DLG2: variants seen among roughly 807,000 people sequenced by gnomAD.
DLG2 encodes the protein discs large MAGUK scaffold protein 2.
DLG2 carries 45 observed loss-of-function variants against 132.5 expected under a neutral mutation model. The observed-to-expected ratio is 0.34, with a 90% CI of 0.27 to 0.44. The LOEUF (loss-of-function observed/expected upper bound fraction) is 0.44, where lower values mean the gene tolerates loss of function less well. Ranked by LOEUF, DLG2 falls within the 20% of genes least tolerant of loss-of-function variation. The pLI, the probability that DLG2 is intolerant of heterozygous loss-of-function variation, is 1.00. For missense variants in DLG2, 1,045 were observed against 1,196.9 expected (o/e 0.87, Z 1.87); for synonymous variants, 424 against 419.6 (o/e 1.01, Z -0.13).
intron 6 of DLG2, among the ~76,000 whole-genome samples, chr11:84,564,632 C>A (rs1473680163): frequency 6.6e-6 from 1 of 152,116 alleles, no homozygotes; most frequent in Non-Finnish European, 1.5e-5. Context: ...TTTTCTTTAA[C>A]AAAAAGCTAT....
At chr11:84,814,454 G>A (rs142243209) in intron 6 of DLG2, among the ~76,000 whole-genome samples, 35 of 152,026 alleles carry the variant, frequency 2.3e-4, no homozygotes, top group Admixed American at 2.6e-4. Flanking sequence ...TCTCCAATAC[G>A]CAAGCCCATA....
chr11:85,238,292 G>A (rs2075701973), intron 4 of DLG2, among the ~76,000 whole-genome samples: 1 of 148,620 alleles, frequency 6.7e-6, no homozygotes, highest in Non-Finnish European at 1.5e-5. Context: ...TGCCCAGGCT[G>A]GAATGCAGAG....
At chr11:84,104,971 G>A (rs1210841283) in intron 9 of DLG2, among the ~76,000 whole-genome samples, 1 of 151,406 alleles carries the variant, frequency 6.6e-6, no homozygotes, top group Non-Finnish European at 1.5e-5. Context: ...AACTGAGGCT[G>A]AGAGGAGTGA....
rs373308434 is a variant in DLG2, at chr11:84,250,914, A to G, written c.573+324T>C. On this transcript the variant is annotated intron_variant, in intron 8 of 27. Transcript: ENST00000376104. ...AAATTGACTTGAATATTCCTTTTAT[A>G]AGAAACCCAAAGAAGTTTGCTAGTG... 1.1e-4 allele frequency among the ~76,000 whole-genome samples: 17 copies of G among 152,360 alleles called. 1 individual carries two copies. The South Asian group carries it at 1.9e-3, about 17-fold the overall frequency.
rs1462622024 is a variant in DLG2 at position 83,691,642 on chromosome 11, G to T, written c.1826-58317C>A. ...CTGGCTCAGCTGGTTCTAGGTGCCT[G>T]TAACAAGCTGCTCTGCCCAGTGGAG... On this transcript the variant is annotated intron_variant, in intron 18 of 27. Coordinates refer to ENST00000376104, the MANE Select transcript of DLG2 (RefSeq NM_001142699.3). Among the ~76,000 whole-genome samples the T allele has an allele frequency of 3.3e-5, 5 of 152,154 alleles. No homozygotes were observed. In the East Asian group the frequency reaches 9.6e-4, roughly 29 times the overall value.
chr11:84,966,125 G>T (rs570830491), intron 6 of DLG2, among the ~76,000 whole-genome samples: 6 of 151,868 alleles, frequency 4.0e-5, no homozygotes, highest in Admixed American at 3.9e-4. Flanking sequence ...AAGAGTAAAG[G>T]TTACTCTTCT....
intron 11 of DLG2, among the ~76,000 whole-genome samples, chr11:83,990,045 C>T (rs530435069): frequency 6.6e-6 from 1 of 152,224 alleles, no homozygotes; most frequent in South Asian, 2.1e-4. Flanking sequence ...CTGATTATAA[C>T]ACCACCTACT....
At chr11:84,831,078 C>A (rs1291075414) in intron 6 of DLG2, among the ~76,000 whole-genome samples, 1 of 150,076 alleles carries the variant, frequency 6.7e-6, no homozygotes, top group African/African-American at 2.4e-5. Context: ...AAACTGTTCT[C>A]TCTTTGAGAA....
At chr11:85,200,793 C>T (rs2081400969) in intron 4 of DLG2, among the ~76,000 whole-genome samples, 1 of 152,102 alleles carries the variant, frequency 6.6e-6, no homozygotes, top group Non-Finnish European at 1.5e-5. Context: ...AGGGACCTCC[C>T]TCTCAGCTCC....
intron 6 of DLG2, among the ~76,000 whole-genome samples, chr11:84,763,556 A>G (rs1310496764): frequency 1.1e-4 from 17 of 152,124 alleles, no homozygotes. Context: ...TGGCGTTACC[A>G]TCAGCATCTT....
intron 6 of DLG2, among the ~76,000 whole-genome samples, chr11:84,578,521 C>G (rs1166419939): frequency 6.6e-6 from 1 of 152,112 alleles, no homozygotes; most frequent in East Asian, 1.9e-4. Flanking sequence ...TTTGACTGCC[C>G]CACTGGATTT....
At chr11:84,287,084 G>C (rs1014306280) in intron 7 of DLG2, among the ~76,000 whole-genome samples, 2 of 152,100 alleles carry the variant, frequency 1.3e-5, no homozygotes, top group African/African-American at 4.8e-5. Flanking sequence ...GTTGATTCAT[G>C]CATCCAGCAT....
chr11:84,698,933 T>A (rs574075726), intron 6 of DLG2, among the ~76,000 whole-genome samples: 8 of 151,718 alleles, frequency 5.3e-5, no homozygotes, highest in African/African-American at 1.9e-4. Context: ...TAGTCATCAA[T>A]CTTCACTGCG....
intron 17 of DLG2, among the ~76,000 whole-genome samples, chr11:83,832,382 C>T (rs1009758483): frequency 6.6e-6 from 1 of 152,112 alleles, no homozygotes; most frequent in African/African-American, 2.4e-5. Context: ...TAAGTATGTA[C>T]AACTTTTTCT....
intron 8 of DLG2, among the ~76,000 whole-genome samples, chr11:84,230,404 A>C (rs1166624318): frequency 1.3e-5 from 2 of 152,198 alleles, no homozygotes; most frequent in Non-Finnish European, 2.9e-5. Context: ...ATATCTCAGC[A>C]TCTAGCTTGC....
At position 83,797,914 on chromosome 11, in the gene DLG2, T is replaced by C. The variant is rs149398829; in HGVS notation, c.1723-11122A>G. Among the ~76,000 whole-genome samples the C allele has an allele frequency of 4.8e-3, 735 of 152,330 alleles. 12 individuals are homozygous for C. Among genetic ancestry groups the C allele is most frequent in the African/African-American group, 0.017 (712 of 41,572 alleles). ...TATATTTGACCATAATGAGGAGTCA[T>C]TCCTCAGCTTAAAATTGAGAAATAT... On this transcript the variant is annotated intron_variant, in intron 17 of 27. Transcript: ENST00000376104.
chr11:84,431,375 T>C (rs1427811429), intron 7 of DLG2, among the ~76,000 whole-genome samples: 1 of 152,210 alleles, frequency 6.6e-6, no homozygotes, highest in African/African-American at 2.4e-5. Context: ...ACTGGGTCTT[T>C]ATATTCACAG....
chr11:85,239,025 T>C (rs1236096636), intron 4 of DLG2, among the ~76,000 whole-genome samples: 4 of 152,034 alleles, frequency 2.6e-5, no homozygotes, highest in Admixed American at 6.6e-5. Flanking sequence ...GTTCCCATGG[T>C]GTTATTCAAG....
intron 14 of DLG2, among the ~76,000 whole-genome samples, chr11:83,950,794 A>T (rs1188896453): frequency 2.0e-5 from 3 of 152,208 alleles, no homozygotes; most frequent in African/African-American, 7.2e-5. Context: ...CACCCCCTGG[A>T]AGAAGCTGTT....
Sources: allele counts gnomAD v4.1 joint callset (sites outside exome capture counted in the v4.1 genomes callset), GRCh38; gene constraint gnomAD v4.1.1; transcripts MANE v1.5; gene names NCBI Gene and HGNC (gene_info 2026-07-23, HGNC 2026-07-21).